NCALD: variants seen among roughly 807,000 people sequenced by gnomAD.
NCALD encodes neurocalcin-delta.
A neutral mutation model predicts 18.6 loss-of-function variants in NCALD; 10 were observed. The observed-to-expected ratio is 0.54, with a 90% CI of 0.33 to 0.91. The LOEUF (loss-of-function observed/expected upper bound fraction) is 0.91, where lower values mean the gene tolerates loss of function less well. NCALD is among the 40% of genes least tolerant of loss of function. The pLI is 0.03. For missense variants in NCALD, 184 were observed against 247.6 expected (o/e 0.74, Z 1.72); for synonymous variants, 88 against 87.4 (o/e 1.01, Z -0.04).
intron 1 of NCALD, among the ~76,000 whole-genome samples, chr8:102,043,665 G>C (rs139700217): frequency 0.01 from 1,471 of 144,058 alleles, 58 homozygotes; most frequent in African/African-American, 0.033. Context: ...AGAGGAAGAA[G>C]AAGAGAAGGA....
At chr8:101,875,583 TCTC>T (rs1424539061) in intron 4 of NCALD, among the ~76,000 whole-genome samples, 2 of 152,168 alleles carry the variant, frequency 1.3e-5, no homozygotes, top group Non-Finnish European at 2.9e-5. Flanking sequence ...CTTTTAATTC[TCTC>T]CTCATTATTG....
chr8:101,733,206 G>A (rs1423117786), intron 1 of NCALD, among the ~76,000 whole-genome samples: 1 of 152,104 alleles, frequency 6.6e-6, no homozygotes, highest in Non-Finnish European at 1.5e-5. Flanking sequence ...AAATATTAAC[G>A]TTTATTCATC....
chr8:102,026,473 T>C (rs967231225), intron 1 of NCALD, among the ~76,000 whole-genome samples: 1 of 152,236 alleles, frequency 6.6e-6, no homozygotes, highest in Non-Finnish European at 1.5e-5. Context: ...AGTAATTAAA[T>C]TTTAAAGCTC....
chr8:101,717,781 C>A (rs1035554254), intron 2 of NCALD, among the ~76,000 whole-genome samples: 1 of 152,058 alleles, frequency 6.6e-6, no homozygotes, highest in African/African-American at 2.4e-5. Context: ...GAAAAAACAA[C>A]AACAACAAAA....
chr8:101,715,651 C>T (rs1021520826), intron 2 of NCALD, among the ~76,000 whole-genome samples: 2 of 152,068 alleles, frequency 1.3e-5, no homozygotes. Context: ...AAAAACTGGG[C>T]AAAGGATATG....
chr8:101,815,642 C>T (rs562488021), intron 4 of NCALD, among the ~76,000 whole-genome samples: 4 of 152,246 alleles, frequency 2.6e-5, no homozygotes, highest in South Asian at 4.1e-4. Flanking sequence ...GGAACACTGA[C>T]ATCACCAAGT....
chr8:101,985,211 G>A (rs2131956855), intron 2 of NCALD, among the ~76,000 whole-genome samples: 1 of 152,134 alleles, frequency 6.6e-6, no homozygotes, highest in East Asian at 1.9e-4. Flanking sequence ...CTCACCCCGG[G>A]TCTTCTGATG....
chr8:102,120,428 G>A (rs910787756), intron 1 of NCALD, among the ~76,000 whole-genome samples: 3 of 152,140 alleles, frequency 2.0e-5, no homozygotes, highest in Non-Finnish European at 4.4e-5. Context: ...GAGCAATGCC[G>A]GGATGGAGAC....
At chr8:102,073,653 A>G (rs1368616691) in intron 1 of NCALD, among the ~76,000 whole-genome samples, 2 of 152,158 alleles carry the variant, frequency 1.3e-5, no homozygotes, top group African/African-American at 4.8e-5. Flanking sequence ...AGGGTATCAC[A>G]TGGGCTGCTG....
At chr8:101,709,360 T>G (rs1815678560) in intron 2 of NCALD, among the ~76,000 whole-genome samples, 1 of 152,248 alleles carries the variant, frequency 6.6e-6, no homozygotes, top group Non-Finnish European at 1.5e-5. Flanking sequence ...CTTCCTTTGG[T>G]TCCTTCTTTA....
rs542179202 is a variant in NCALD, at chr8:101,689,116, C to T, written c.*193G>A. On this transcript the variant is annotated 3_prime_UTR_variant, in exon 4 of 4. Coordinates refer to ENST00000220931, the MANE Select transcript of NCALD (RefSeq NM_032041.3). The surrounding 1 kb of genome is among the most constrained non-coding windows in gnomAD (Gnocchi z 4.4). ...TCTGTCCATGCTCTCCACAAGCACA[C>T]TGGGGCTCTGGGCATTCCCACGAAG... 1.4e-6 allele frequency: 1 copy of T among 705,652 alleles called. No homozygotes were observed. The highest frequency in any genetic ancestry group is 2.0e-5 in the Admixed American group (1 of 50,022). The allele number at this position is 705,652 out of a possible 1,614,324, so 43.7% of individuals were successfully genotyped here.
intron 2 of NCALD, among the ~76,000 whole-genome samples, chr8:101,980,749 T>G (rs1475115567): frequency 6.6e-6 from 1 of 152,196 alleles, no homozygotes; most frequent in African/African-American, 2.4e-5. Flanking sequence ...ACTAATGCTG[T>G]GCAAAAATAG....
chr8:102,108,392 T>C (rs1298369490), intron 1 of NCALD, among the ~76,000 whole-genome samples: 1 of 152,194 alleles, frequency 6.6e-6, no homozygotes, highest in African/African-American at 2.4e-5. Context: ...CAGAGGACAC[T>C]GACACTGAAG....
chr8:101,957,289 GTTTTTTTTTTTT>G (rs11305701), intron 2 of NCALD, among the ~76,000 whole-genome samples: 59 of 99,500 alleles, frequency 5.9e-4, no homozygotes, highest in African/African-American at 2.2e-3. Context: ...AAAAGTTGGG[GTTTTTTTTTTTT>G]TTTTTTTTTT....
intron 1 of NCALD, among the ~76,000 whole-genome samples, chr8:102,043,355 T>A (rs1304256858): frequency 1.3e-5 from 2 of 151,904 alleles, no homozygotes; most frequent in Non-Finnish European, 2.9e-5. Context: ...GTTTTTGGTG[T>A]TCTTCCTGCT....
intron 2 of NCALD, among the ~76,000 whole-genome samples, chr8:102,014,872 G>A (rs986940500): frequency 1.3e-5 from 2 of 151,992 alleles, no homozygotes; most frequent in African/African-American, 4.8e-5. Flanking sequence ...AATTACTCGG[G>A]GATCTTGTTC....
chr8:101,858,995 C>T (rs967852782), intron 4 of NCALD, among the ~76,000 whole-genome samples: 1 of 152,078 alleles, frequency 6.6e-6, no homozygotes, highest in Non-Finnish European at 1.5e-5. Context: ...TTGAAGGATG[C>T]AAAGTATCAT....
intron 1 of NCALD, among the ~76,000 whole-genome samples, chr8:102,050,831 A>G (rs1346731334): frequency 2.7e-5 from 4 of 146,082 alleles, no homozygotes; most frequent in African/African-American, 9.9e-5. Context: ...AATTTAATTA[A>G]TTTAATCATT....
At chr8:101,913,880 C>G (rs1817886792) in intron 3 of NCALD, among the ~76,000 whole-genome samples, 1 of 152,108 alleles carries the variant, frequency 6.6e-6, no homozygotes, top group African/African-American at 2.4e-5. Context: ...CTGCGCCTGG[C>G]CTACTTAACT....
Sources: gnomAD v4.1 joint callset for allele counts (sites outside exome capture counted in the v4.1 genomes callset) on GRCh38, gnomAD v4.1.1 for gene constraint, Gnocchi (gnomAD v3.1) non-coding constraint, MANE v1.5 for transcripts, NCBI Gene and HGNC (gene_info 2026-07-23, HGNC 2026-07-21) for gene names.